Variants in GAB2 observed in about 807,000 individuals in gnomAD.
The protein encoded by GAB2 is GRB2 associated binding protein 2, also known as GRB2-associated-binding protein 2.
Under a neutral mutation model 65.5 loss-of-function variants are expected in GAB2, and 26 were observed. The observed-to-expected ratio is 0.40, with a 90% CI of 0.29 to 0.55. The LOEUF (loss-of-function observed/expected upper bound fraction) is 0.55. Among genes scored for constraint, GAB2 ranks in the 20% least tolerant of loss-of-function variants. The pLI is 0.53. For synonymous variants in GAB2, 321 were observed against 329.6 expected (o/e 0.97, Z 0.28); for missense variants, 884 against 875.8 (o/e 1.01, Z -0.12).
intron 3 of GAB2, among the ~76,000 whole-genome samples, chr11:78,243,250 T>C (rs1435719087): frequency 1.3e-5 from 2 of 151,548 alleles, no homozygotes; most frequent in Non-Finnish European, 1.5e-5. Context: ...AGTGGACTGC[T>C]TGAGGTCAGG....
intron 1 of GAB2, among the ~76,000 whole-genome samples, chr11:78,291,508 G>C (rs1344733968): frequency 1.5e-5 from 2 of 132,760 alleles, no homozygotes; most frequent in African/African-American, 5.4e-5. Context: ...ATGGACAAGA[G>C]ACTACCTAAG....
chr11:78,243,611 C>A (rs751141044), intron 3 of GAB2, among the ~76,000 whole-genome samples: 1 of 151,656 alleles, frequency 6.6e-6, no homozygotes, highest in South Asian at 2.1e-4. Context: ...GAGGCCGAGG[C>A]GGGCAGATCA....
In GAB2 at chr11:78,226,966, G is replaced by T; in HGVS notation, c.706C>A (p.His236Asn). ...TGACCACTGATCCCGTTGACACAGT[G>T]TCCATTGCCCTGGGCAAGTTTTTGT... is the stretch of plus-strand genomic sequence containing the variant. ...AVQKLAQGNG[H>N]CVNGISGQVH... Residue 236 changes from histidine to asparagine, a missense_variant, in exon 4 of 10, where the codon CAC (histidine) becomes AAC (asparagine). Coordinates refer to ENST00000361507, the MANE Select transcript of GAB2 (RefSeq NM_080491.3). The T allele has an allele frequency of 6.2e-7, 1 of 1,613,478 alleles. No individual in the cohort carries two copies. The highest frequency in any genetic ancestry group is 2.2e-5 in the East Asian group (1 of 44,870).
chr11:78,294,751 A>G (rs1216307234), intron 1 of GAB2, among the ~76,000 whole-genome samples: 1 of 152,240 alleles, frequency 6.6e-6, no homozygotes, highest in African/African-American at 2.4e-5. Context: ...AGATGGATTA[A>G]AGACTTAAAT....
chr11:78,406,095 T>C (rs555132856), intron 1 of GAB2, among the ~76,000 whole-genome samples: 2 of 152,286 alleles, frequency 1.3e-5, no homozygotes, highest in Admixed American at 6.5e-5. Flanking sequence ...AAAGCTATGA[T>C]ATGCATACCC....
rs369650424 is a variant in GAB2 at position 78,242,816 on chromosome 11, AAATC to A, written c.620+7337_620+7340del. 2.9e-4 allele frequency among the ~76,000 whole-genome samples: 44 copies of A among 152,332 alleles called. No individual in the cohort carries two copies. In the South Asian group the frequency reaches 3.5e-3, roughly 12 times the overall value. On this transcript the variant is annotated intron_variant, in intron 3 of 9. Transcript: ENST00000361507. ...AGTTAATTTTTTCAAAGAATAAACA[AAATC>A]AAACCAGTAGCAAGACTGACCAAGA... is the stretch of plus-strand genomic sequence containing the variant.
At chr11:78,326,830 C>T (rs1013408139) in intron 1 of GAB2, among the ~76,000 whole-genome samples, 6 of 152,128 alleles carry the variant, frequency 3.9e-5, no homozygotes, top group African/African-American at 1.4e-4. Flanking sequence ...AGTTCTGACC[C>T]GGTAAAATTT....
At chr11:78,338,077 G>T (rs1856032288) in intron 1 of GAB2, among the ~76,000 whole-genome samples, 1 of 152,104 alleles carries the variant, frequency 6.6e-6, no homozygotes, top group African/African-American at 2.4e-5. Context: ...AAAATGTTAA[G>T]TATGTTACCT....
intron 1 of GAB2, among the ~76,000 whole-genome samples, chr11:78,325,230 T>A (rs1490732727): frequency 6.6e-6 from 1 of 152,162 alleles, no homozygotes; most frequent in African/African-American, 2.4e-5. Flanking sequence ...TTTGTAGTTA[T>A]CCACCACAAA....
At chr11:78,295,290 C>T (rs1866796265) in intron 1 of GAB2, among the ~76,000 whole-genome samples, 1 of 152,150 alleles carries the variant, frequency 6.6e-6, no homozygotes, top group African/African-American at 2.4e-5. Context: ...AAACTCTTTC[C>T]TCATTTAAGG....
In GAB2 at chr11:78,318,233, G is replaced by A. The variant is rs970907490; in HGVS notation, c.76-37332C>T. 11 of 151,832 alleles carry A rather than the reference G, an allele frequency of 7.2e-5. 1 individual carries two copies. The highest frequency in any genetic ancestry group is 2.7e-4 in the African/African-American group (11 of 41,220). 9.4% of individuals were successfully genotyped at this position (151,832 alleles called of 1,614,324 possible). ...TCAGGAGTGAATCTGGTGGAACAGA[G>A]GCAGAAGGGCTATCAGGAGGAGGGA... On this transcript the variant is annotated intron_variant, in intron 1 of 9. Transcript: ENST00000361507.
chr11:78,292,220 G>T (rs1470438796), intron 1 of GAB2, among the ~76,000 whole-genome samples: 3 of 152,126 alleles, frequency 2.0e-5, no homozygotes, highest in African/African-American at 7.2e-5. Context: ...AGGTTTACTG[G>T]CAGTTTTTGG....
intron 1 of GAB2, among the ~76,000 whole-genome samples, chr11:78,285,154 T>A (rs1039725824): frequency 1.3e-5 from 2 of 152,248 alleles, no homozygotes; most frequent in Admixed American, 1.3e-4. Context: ...AGGTGCATTT[T>A]AAAAAGATCT....
intron 1 of GAB2, among the ~76,000 whole-genome samples, chr11:78,328,654 A>G (rs940909199): frequency 1.3e-5 from 2 of 152,150 alleles, no homozygotes; most frequent in African/African-American, 4.8e-5. Context: ...ATTATACCAA[A>G]TGAAAGAAGC....
intron 8 of GAB2, 127 bp from the exon 9 acceptor site, chr11:78,220,571 G>A (rs1864375195): frequency 1.4e-6 from 1 of 704,782 alleles, no homozygotes; most frequent in South Asian, 2.4e-5. Flanking sequence ...ACCATGCTAA[G>A]GACTTTTCAT....
intron 1 of GAB2, among the ~76,000 whole-genome samples, chr11:78,401,144 G>C (rs577811999): frequency 2.2e-4 from 33 of 151,602 alleles, no homozygotes; most frequent in Non-Finnish European, 4.0e-4. Flanking sequence ...AAAATGTACA[G>C]AATACAAAAT....
chr11:78,283,470 C>T (rs567394345), intron 1 of GAB2, among the ~76,000 whole-genome samples: 48 of 152,212 alleles, frequency 3.2e-4, no homozygotes, highest in Non-Finnish European at 6.0e-4. Context: ...CACAATTCTT[C>T]ACCAACTATG....
chr11:78,302,714 A>G (rs1372161732), intron 1 of GAB2, among the ~76,000 whole-genome samples: 1 of 152,258 alleles, frequency 6.6e-6, no homozygotes, highest in Non-Finnish European at 1.5e-5. Flanking sequence ...TATACAAAAA[A>G]GATACTTGCA....
chr11:78,416,967 C>G (rs952130418), intron 1 of GAB2, among the ~76,000 whole-genome samples: 2 of 152,150 alleles, frequency 1.3e-5, no homozygotes, highest in African/African-American at 2.4e-5. Context: ...GGGAGCTGCC[C>G]GGTCCCAAAC....
Sources: allele counts gnomAD v4.1 joint callset (sites outside exome capture counted in the v4.1 genomes callset), GRCh38; gene constraint gnomAD v4.1.1; transcripts MANE v1.5; gene names NCBI Gene and HGNC (gene_info 2026-07-23, HGNC 2026-07-21).